Variants in TBC1D4 observed in about 807,000 individuals in gnomAD.
TBC1D4 encodes TBC (Tre-2, BUB2, CDC16) domain-containing protein.
TBC1D4 carries 121 observed loss-of-function variants against 142.5 expected under a neutral mutation model. That is an observed-to-expected ratio of 0.85 (90% confidence interval 0.73 to 0.99). The LOEUF is 0.99. Among genes scored for constraint, TBC1D4 ranks in the 50% least tolerant of loss-of-function variants. TBC1D4 has a pLI of 0.00. For synonymous variants in TBC1D4, 630 were observed against 628.2 expected, an observed-to-expected ratio of 1.00 and a Z score of -0.04; for missense variants, 1,475 against 1,606.6, an observed-to-expected ratio of 0.92 and a Z score of 1.40.
intron 1 of TBC1D4, among the ~76,000 whole-genome samples, chr13:75,414,425 C>T (rs1381162232): frequency 1.3e-5 from 2 of 152,106 alleles, no homozygotes; most frequent in South Asian, 2.1e-4. Flanking sequence ...GAGCTACCCA[C>T]GAAAAGTTTT....
intron 1 of TBC1D4, among the ~76,000 whole-genome samples, chr13:75,380,009 G>C (rs563260110): frequency 6.9e-6 from 1 of 145,400 alleles, no homozygotes; most frequent in African/African-American, 2.5e-5. Flanking sequence ...AGATTCAAGC[G>C]ATTCTCATGC....
chr13:75,400,460 C>CT (rs56282911), intron 1 of TBC1D4, among the ~76,000 whole-genome samples: 8 of 130,608 alleles, frequency 6.1e-5, no homozygotes, highest in African/African-American at 2.0e-4. Flanking sequence ...TAAATTCATG[C>CT]TTTTTTTTTT....
chr13:75,430,625 C>G (rs911445176), intron 1 of TBC1D4, among the ~76,000 whole-genome samples: 2 of 152,122 alleles, frequency 1.3e-5, no homozygotes, highest in African/African-American at 4.8e-5. Context: ...CCAGGCTCAT[C>G]GGGGGACAGA....
At chr13:75,289,507 TA>T (rs1407775547) in intron 19 of TBC1D4, among the ~76,000 whole-genome samples, 1 of 152,090 alleles carries the variant, frequency 6.6e-6, no homozygotes. Flanking sequence ...ATTGAGTAAT[TA>T]TTATGTTAGA....
intron 11 of TBC1D4, among the ~76,000 whole-genome samples, chr13:75,320,738 T>C (rs1878681042): frequency 1.3e-5 from 2 of 151,748 alleles, no homozygotes. Flanking sequence ...AAAAAAGTAA[T>C]AGTAGGCTGG....
At chr13:75,290,909 T>A (rs1875227992) in intron 19 of TBC1D4, among the ~76,000 whole-genome samples, 1 of 152,184 alleles carries the variant, frequency 6.6e-6, no homozygotes, top group South Asian at 2.1e-4. Flanking sequence ...CCAAACTCCC[T>A]TTCTCTAAAC....
At chr13:75,420,776 G>A (rs555857800) in intron 1 of TBC1D4, among the ~76,000 whole-genome samples, 3 of 152,244 alleles carry the variant, frequency 2.0e-5, no homozygotes, top group African/African-American at 4.8e-5. Context: ...GATGCAATGG[G>A]GACAGGAAGA....
At chr13:75,457,075 G>A (rs1002046169) in intron 1 of TBC1D4, among the ~76,000 whole-genome samples, 6 of 152,008 alleles carry the variant, frequency 3.9e-5, no homozygotes, top group African/African-American at 1.5e-4. Flanking sequence ...TCAGGCACAA[G>A]CAAAAGTCAT....
intron 12 of TBC1D4, among the ~76,000 whole-genome samples, chr13:75,314,534 C>A (rs1157305286): frequency 6.6e-6 from 1 of 152,160 alleles, no homozygotes; most frequent in Non-Finnish European, 1.5e-5. Context: ...TTCTGAGCTG[C>A]TATGCAGAGA....
intron 7 of TBC1D4, 144 bp from the exon 8 acceptor site, chr13:75,337,184 C>A: frequency 1.4e-6 from 1 of 715,052 alleles, no homozygotes; most frequent in South Asian, 1.8e-5. Flanking sequence ...AGGTCCCACA[C>A]TGTGAACATA....
intron 1 of TBC1D4, among the ~76,000 whole-genome samples, chr13:75,376,669 C>T (rs1883529619): frequency 6.6e-6 from 1 of 152,192 alleles, no homozygotes; most frequent in Non-Finnish European, 1.5e-5. Flanking sequence ...AGGCATATGC[C>T]ACTGCACCTG....
intron 12 of TBC1D4, among the ~76,000 whole-genome samples, chr13:75,315,198 C>T (rs1194235596): frequency 6.6e-6 from 1 of 151,408 alleles, no homozygotes; most frequent in South Asian, 2.1e-4. Context: ...ATCCCAGCTA[C>T]TCAGGAGGCT....
chr13:75,481,145 G>C (rs1888847713), intron 1 of TBC1D4, 125 bp downstream of exon 1: 5 of 1,397,760 alleles, frequency 3.6e-6, no homozygotes, highest in Non-Finnish European at 4.7e-6. Context: ...AGCGCGCCAC[G>C]TGGAGCGCGC....
At chr13:75,422,902 T>C (rs1276447914) in intron 1 of TBC1D4, among the ~76,000 whole-genome samples, 1 of 152,200 alleles carries the variant, frequency 6.6e-6, no homozygotes, top group African/African-American at 2.4e-5. Context: ...TAGCTTTCCA[T>C]GAGTTTGTAT....
At position 75,450,605 on chromosome 13, in the gene TBC1D4, T is replaced by C. The variant is rs114333230; in HGVS notation, c.498+30665A>G. On this transcript the variant is annotated intron_variant, in intron 1 of 20. Coordinates refer to ENST00000377636, the MANE Select transcript of TBC1D4 (RefSeq NM_014832.5). Reference sequence around the variant, plus strand: ...CCTGGAGCATCGGTTTGTGACAATATGCAGAGAATACTGCCAGCCAGGTAA... The same window carrying C: ...CCTGGAGCATCGGTTTGTGACAATACGCAGAGAATACTGCCAGCCAGGTAA... 4.5e-3 allele frequency among the ~76,000 whole-genome samples: 685 copies of C among 152,314 alleles called. 2 individuals are homozygous for C. The highest frequency in any genetic ancestry group is 0.016 in the African/African-American group (647 of 41,570).
At chr13:75,296,584 T>C (rs1407465501) in intron 17 of TBC1D4, among the ~76,000 whole-genome samples, 1 of 152,198 alleles carries the variant, frequency 6.6e-6, no homozygotes, top group Non-Finnish European at 1.5e-5. Context: ...GCTTTAATGA[T>C]AAAATTCTAT....
chr13:75,444,143 G>A (rs1201322420), intron 1 of TBC1D4, among the ~76,000 whole-genome samples: 1 of 152,066 alleles, frequency 6.6e-6, no homozygotes, highest in Admixed American at 6.5e-5. Flanking sequence ...TCTTTTTTAA[G>A]ATAAAGTCTT....
At chr13:75,351,903 A>G (rs1162454140) in intron 4 of TBC1D4, among the ~76,000 whole-genome samples, 1 of 152,176 alleles carries the variant, frequency 6.6e-6, no homozygotes, top group African/African-American at 2.4e-5. Flanking sequence ...TGGCTAATTA[A>G]CCACCCATGT....
chr13:75,371,466 A>G (rs1883217664), intron 1 of TBC1D4, among the ~76,000 whole-genome samples: 1 of 152,208 alleles, frequency 6.6e-6, no homozygotes, highest in Admixed American at 6.5e-5. Context: ...CAGATGGGTG[A>G]TGGGAGTTTA....
Sources: allele counts gnomAD v4.1 joint callset (sites outside exome capture counted in the v4.1 genomes callset), GRCh38; gene constraint gnomAD v4.1.1; transcripts MANE v1.5; gene names NCBI Gene and HGNC (gene_info 2026-07-23, HGNC 2026-07-21).